The following SLC4A5 variants were observed in gnomAD, a reference collection of about 807,000 sequenced individuals.
The protein encoded by SLC4A5 is electrogenic sodium bicarbonate cotransporter 4.
In SLC4A5, 96 loss-of-function variants were observed where a neutral mutation model predicts 120.4. The ratio of observed to expected loss-of-function variants is 0.80; its 90% CI spans 0.68 to 0.94. The LOEUF (loss-of-function observed/expected upper bound fraction) is 0.94. Among genes scored for constraint, SLC4A5 ranks in the 40% least tolerant of loss-of-function variants. The pLI is 0.00. For synonymous variants in SLC4A5, 550 were observed against 571.1 expected (o/e 0.96, Z 0.53); for missense variants, 1,259 against 1,459.5 (o/e 0.86, Z 2.24).
At chr2:74,252,114 G>C (rs1363976809) in intron 16 of SLC4A5, 65 bp downstream of exon 16, 2 of 1,544,812 alleles carry the variant, frequency 1.3e-6, no homozygotes, top group East Asian at 4.5e-5. Flanking sequence ...AAAGTCCCTA[G>C]AGGGCAGCTG....
intron 25 of SLC4A5, 44 bp downstream of exon 25, chr2:74,231,192 C>T (rs769073566): frequency 1.9e-6 from 3 of 1,575,320 alleles, no homozygotes; most frequent in Non-Finnish European, 2.6e-6. Context: ...ATCCGCTCTG[C>T]TTTCTCAGGC....
At chr2:74,325,920 AAGGAGGGGAGG>A (rs1673207138) in intron 5 of SLC4A5, among the ~76,000 whole-genome samples, 3 of 150,044 alleles carry the variant, frequency 2.0e-5, no homozygotes, top group Non-Finnish European at 3.0e-5. Flanking sequence ...AAGGAAAGGA[AAGGAGGGGAGG>A]AGGAAGGGAG....
chr2:74,240,060 A>T (rs988963273), intron 20 of SLC4A5, among the ~76,000 whole-genome samples: 7 of 146,446 alleles, frequency 4.8e-5, no homozygotes, highest in Admixed American at 4.7e-4. Flanking sequence ...TATATATATA[A>T]ATGTGTACTG....
chr2:74,245,559 A>G lies in SLC4A5; in HGVS notation c.2059+1477T>C, dbSNP rs1573021192. Among the ~76,000 whole-genome samples, 6 of 152,364 alleles carry G rather than the reference A, an allele frequency of 3.9e-5. No individual in the cohort carries two copies. In the South Asian group the frequency reaches 1.2e-3, roughly 32 times the overall value. ...GTAGGATCCCCTCTGGGCAAGCAAC[A>G]TGCCTTGGCTCAGAACAAAGGGTAG... On this transcript the variant is annotated intron_variant, in intron 19 of 30. Coordinates refer to ENST00000394019, the Ensembl canonical transcript of SLC4A5.
At chr2:74,338,736 C>G (rs1476212781) in intron 3 of SLC4A5, 119 bp downstream of exon 3, 1 of 152,206 alleles carries the variant, frequency 6.6e-6, no homozygotes, top group African/African-American at 2.4e-5. Flanking sequence ...ACTGCTCGAA[C>G]CCAGTAGGCA....
intron 29 of SLC4A5, among the ~76,000 whole-genome samples, chr2:74,222,600 G>A (rs1694689487): frequency 6.6e-6 from 1 of 152,190 alleles, no homozygotes; most frequent in South Asian, 2.1e-4. Flanking sequence ...GAACCCTATT[G>A]TGAACTGTCC....
chr2:74,237,839 C>T (rs555394232), intron 21 of SLC4A5, among the ~76,000 whole-genome samples: 2 of 152,298 alleles, frequency 1.3e-5, no homozygotes, highest in South Asian at 4.1e-4. Flanking sequence ...CGGTGGCTCA[C>T]ACCTGTAATC....
chr2:74,269,282 C>G (rs1257628102), intron 8 of SLC4A5, among the ~76,000 whole-genome samples: 1 of 152,126 alleles, frequency 6.6e-6, no homozygotes, highest in African/African-American at 2.4e-5. Context: ...GCTTGGCTCA[C>G]TGCAACCTCT....
In SLC4A5 at chr2:74,241,974, C is replaced by T; in HGVS notation, c.2118+20G>A. The T allele has an allele frequency of 6.3e-7, 1 of 1,596,614 alleles. No individual in the cohort carries two copies. Among genetic ancestry groups the T allele is most frequent in the Non-Finnish European group, 8.6e-7 (1 of 1,168,614 alleles). The stretch of plus-strand genomic sequence containing the variant: ...CAAACAAAAGCACTCAAATGTCTAA[C>T]ATAAGAGGAAAGGACTTACCAGAGA... On this transcript the variant is annotated intron_variant, in intron 20 of 30. Transcript: ENST00000394019.
At chr2:74,302,660 G>A (rs1157971719) in intron 7 of SLC4A5, among the ~76,000 whole-genome samples, 1 of 152,146 alleles carries the variant, frequency 6.6e-6, no homozygotes, top group African/African-American at 2.4e-5. Flanking sequence ...TTTTTCCTTT[G>A]GTTTGCATTT....
At chr2:74,338,211 T>G (rs1673541425) in intron 3 of SLC4A5, among the ~76,000 whole-genome samples, 1 of 152,142 alleles carries the variant, frequency 6.6e-6, no homozygotes, top group South Asian at 2.1e-4. Context: ...TGGAGGCAAA[T>G]GGAGGCCTGA....
At chr2:74,239,177 A>G (rs1207080282) in intron 21 of SLC4A5, among the ~76,000 whole-genome samples, 158 bp downstream of exon 21, 1 of 152,236 alleles carries the variant, frequency 6.6e-6, no homozygotes, top group Non-Finnish European at 1.5e-5. Flanking sequence ...CAAGGGGACC[A>G]GCCAACAAGG....
chr2:74,216,389 G>A (rs1694445431), exon 31 of SLC4A5: 1 of 152,090 alleles, frequency 6.6e-6, no homozygotes, highest in South Asian at 2.1e-4. Flanking sequence ...GACATGTAAG[G>A]TAAAATTACA....
chr2:74,252,421 C>A, intron 15 of SLC4A5, 33 bp from the exon 16 acceptor site: 4 of 1,596,664 alleles, frequency 2.5e-6, no homozygotes, highest in Non-Finnish European at 2.6e-6. Context: ...GAGAGTGGGT[C>A]CCCCAGAGCA....
At chr2:74,221,585 T>C in intron 29 of SLC4A5, 84 bp from the exon 30 acceptor site, 3 of 1,377,210 alleles carry the variant, frequency 2.2e-6, no homozygotes, top group East Asian at 2.3e-5. Context: ...TTCCTTTCTT[T>C]TCCTTCTCTA....
exon 25 of SLC4A5, chr2:74,231,253 GGAAGACAGAGATTCCCGTCAGGAT>G: frequency 6.2e-7 from 1 of 1,611,706 alleles, no homozygotes; most frequent in East Asian, 2.2e-5. Flanking sequence ...ATGGGAGCCA[GGAAGACAGAGATTCCCGTCAGGAT>G]GAAGACGATG....
chr2:74,309,807 C>G (rs1411224447), intron 6 of SLC4A5, among the ~76,000 whole-genome samples: 2 of 151,890 alleles, frequency 1.3e-5, no homozygotes, highest in Non-Finnish European at 2.9e-5. Flanking sequence ...AGGTGCCCAC[C>G]ACCACGCCCG....
chr2:74,259,664 G>C, intron 11 of SLC4A5, 21 bp from the exon 12 acceptor site: 1 of 1,613,916 alleles, frequency 6.2e-7, no homozygotes, highest in Non-Finnish European at 8.5e-7. Flanking sequence ...AGGAAAAGAA[G>C]ATCCATCAGG....
chr2:74,311,479 A>C (rs1371439043), intron 6 of SLC4A5, among the ~76,000 whole-genome samples: 1 of 152,234 alleles, frequency 6.6e-6, no homozygotes, highest in African/African-American at 2.4e-5. Flanking sequence ...TGCATCCCAC[A>C]AATTTTGATA....
Sources: gnomAD v4.1 joint callset for allele counts (sites outside exome capture counted in the v4.1 genomes callset) on GRCh38, gnomAD v4.1.1 for gene constraint, MANE v1.5 for transcripts, NCBI Gene and HGNC (gene_info 2026-07-23, HGNC 2026-07-21) for gene names.